SHQ1: variants seen among roughly 807,000 people sequenced by gnomAD.
The protein encoded by SHQ1 is SHQ1, H/ACA ribonucleoprotein assembly factor, also known as protein SHQ1 homolog.
A neutral mutation model predicts 53.8 loss-of-function variants in SHQ1; 49 were observed. The observed-to-expected ratio is 0.91, with a 90% CI of 0.72 to 1.16. SHQ1 has a LOEUF of 1.16. SHQ1 is among the 50% of genes most tolerant of loss of function. SHQ1 has a pLI of 0.00. For missense variants in SHQ1, 738 were observed against 683.1 expected (o/e 1.08, Z -0.90); for synonymous variants, 243 against 251.0 (o/e 0.97, Z 0.30).
Position 72,812,763 on chromosome 3 carries a change from G to C in SHQ1, c.968C>G (p.Ser323Cys). ...TWTNVHDIMV[S>C]FGRRVLCYPL... Reference sequence around the variant, plus strand: ...GTAACACAACACCCTTCTTCCAAAAGACACCATGATATCATGAACGTTAGT... The same window carrying C: ...GTAACACAACACCCTTCTTCCAAAACACACCATGATATCATGAACGTTAGT... Residue 323 changes from serine to cysteine, a missense_variant, in exon 9 of 11, where the codon TCT becomes TGT. By Grantham distance (112) the Ser-to-Cys change is moderately radical (BLOSUM62 -1). Transcript: ENST00000325599. 6.2e-7 allele frequency: 1 copy of C among 1,613,992 alleles called. No homozygotes were observed. Among genetic ancestry groups the C allele is most frequent in the East Asian group, 2.2e-5 (1 of 44,840 alleles).
chr3:72,825,810 TCTAA>T, intron 5 of SHQ1, among the ~76,000 whole-genome samples: 1 of 152,354 alleles, frequency 6.6e-6, no homozygotes, highest in African/African-American at 2.4e-5. Flanking sequence ...TATATCAGTT[TCTAA>T]CTGATAGTTT....
intron 10 of SHQ1, chr3:72,773,368 T>G: frequency 1.4e-5 from 7 of 500,056 alleles, no homozygotes; most frequent in Middle Eastern, 4.2e-4. Context: ...AAGGAAAAGA[T>G]GACACAGTAC....
At chr3:72,821,251 C>A (rs1707468682) in intron 6 of SHQ1, among the ~76,000 whole-genome samples, 1 of 152,084 alleles carries the variant, frequency 6.6e-6, no homozygotes, top group African/African-American at 2.4e-5. Context: ...GATGTCCCTG[C>A]TAGGAAGTTC....
At chr3:72,826,730 T>C (rs1443424443) in intron 5 of SHQ1, among the ~76,000 whole-genome samples, 1 of 151,842 alleles carries the variant, frequency 6.6e-6, no homozygotes, top group Non-Finnish European at 1.5e-5. Flanking sequence ...ATGAAGGGGG[T>C]GGGACAGAGT....
chr3:72,743,635 G>C, the SHQ1 span, among the ~76,000 whole-genome samples: 1 of 152,238 alleles, frequency 6.6e-6, no homozygotes, highest in African/African-American at 2.4e-5. Flanking sequence ...TTACTAGCTA[G>C]TAAAGAGCTG....
At chr3:72,815,599 G>T (rs147185464) in intron 7 of SHQ1, among the ~76,000 whole-genome samples, 196 bp from the exon 8 acceptor site, 236 of 152,242 alleles carry the variant, frequency 1.6e-3, no homozygotes, top group African/African-American at 5.3e-3. Flanking sequence ...TACTCTCCTT[G>T]GGATTTTCGA....
At chr3:72,844,314 G>C (rs751744597) in intron 2 of SHQ1, 45 bp downstream of exon 2, 1 of 1,522,320 alleles carries the variant, frequency 6.6e-7, no homozygotes, top group South Asian at 1.1e-5. Flanking sequence ...TAAATAATGT[G>C]AAAAATCCCA....
intron 6 of SHQ1, among the ~76,000 whole-genome samples, chr3:72,822,415 C>T (rs768076788): frequency 4.6e-5 from 7 of 152,074 alleles, no homozygotes; most frequent in Non-Finnish European, 8.8e-5. Context: ...TGATCTCCTG[C>T]TAAAATTACA....
intron 9 of SHQ1, chr3:72,795,101 C>T (rs1352069207): frequency 6.6e-6 from 1 of 152,204 alleles, no homozygotes; most frequent in Non-Finnish European, 1.5e-5. Flanking sequence ...CTGACTTTAA[C>T]CCCTAAGTAG....
At chr3:72,833,523 TGG>T (rs56321123) in intron 4 of SHQ1, among the ~76,000 whole-genome samples, 23 of 142,050 alleles carry the variant, frequency 1.6e-4, no homozygotes, top group South Asian at 6.9e-4. Context: ...GACAGATAGA[TGG>T]ATGATAGACA....
intron 4 of SHQ1, among the ~76,000 whole-genome samples, chr3:72,836,285 A>G (rs930715797): frequency 2.0e-5 from 3 of 152,288 alleles, no homozygotes; most frequent in Middle Eastern, 3.4e-3. Flanking sequence ...GTCAGGAGAT[A>G]GAGATCATCC....
chr3:72,753,079 C>T, intron 10 of SHQ1: 4 of 985,296 alleles, frequency 4.1e-6, no homozygotes, highest in African/African-American at 1.7e-5. Context: ...TCTAAAAGAA[C>T]CAACATGACA....
intron 8 of SHQ1, 132 bp from the exon 9 acceptor site, chr3:72,812,926 A>C (rs1004712777): frequency 6.7e-5 from 61 of 906,076 alleles, no homozygotes; most frequent in Non-Finnish European, 9.4e-5. Context: ...GTAGAAGAGA[A>C]ACATAAAACC....
intron 10 of SHQ1, among the ~76,000 whole-genome samples, chr3:72,770,452 AAGATGAC>A (rs1705823459): frequency 6.6e-6 from 1 of 152,154 alleles, no homozygotes; most frequent in Non-Finnish European, 1.5e-5. Flanking sequence ...ACCATGGCTT[AAGATGAC>A]AGAATGATCA....
intron 10 of SHQ1, among the ~76,000 whole-genome samples, chr3:72,766,243 C>A (rs1309359145): frequency 6.6e-6 from 1 of 152,172 alleles, no homozygotes; most frequent in African/African-American, 2.4e-5. Context: ...AAGACACTCA[C>A]AACAATCCCC....
At chr3:72,809,892 G>A (rs1271777510) in intron 9 of SHQ1, 1 of 151,680 alleles carries the variant, frequency 6.6e-6, no homozygotes, top group East Asian at 1.9e-4. Flanking sequence ...CCAGGAAGCG[G>A]AGGTTGCAGT....
the SHQ1 span, among the ~76,000 whole-genome samples, chr3:72,733,133 C>T: frequency 4.7e-3 from 718 of 151,706 alleles, 24 homozygotes; most frequent in African/African-American, 0.016. Flanking sequence ...TCTCTAGCAA[C>T]CCCTGAGCTG....
chr3:72,786,936 T>C (rs1489214623), intron 10 of SHQ1, among the ~76,000 whole-genome samples: 1 of 152,238 alleles, frequency 6.6e-6, no homozygotes, highest in Non-Finnish European at 1.5e-5. Flanking sequence ...AAGAGATGTA[T>C]GTTATCTACC....
chr3:72,835,318 G>C (rs1256351332), intron 4 of SHQ1, among the ~76,000 whole-genome samples: 1 of 152,026 alleles, frequency 6.6e-6, no homozygotes, highest in Non-Finnish European at 1.5e-5. Flanking sequence ...GGAACAAGCA[G>C]AGGCCTCAAT....
Sources: gnomAD v4.1 joint callset for allele counts (sites outside exome capture counted in the v4.1 genomes callset) on GRCh38, gnomAD v4.1.1 for gene constraint, MANE v1.5 for transcripts, NCBI Gene and HGNC (gene_info 2026-07-23, HGNC 2026-07-21) for gene names.